Variants in TRPM6 observed in about 807,000 individuals in gnomAD.
TRPM6 encodes the protein channel kinase 2.
TRPM6 carries 111 observed loss-of-function variants against 247.6 expected under a neutral mutation model. That is an observed-to-expected ratio of 0.45 (90% CI 0.38 to 0.52). TRPM6 has a LOEUF of 0.52. Among genes scored for constraint, TRPM6 ranks in the 20% least tolerant of loss-of-function variants. The pLI, the probability that TRPM6 is intolerant of heterozygous loss-of-function variation, is 0.00. For synonymous variants in TRPM6, 892 were observed against 853.8 expected, an observed-to-expected ratio of 1.04 and a Z score of -0.78; for missense variants, 2,126 against 2,421.5, an observed-to-expected ratio of 0.88 and a Z score of 2.56.
At chr9:74,853,010 G>A (rs1299857159) in intron 3 of TRPM6, among the ~76,000 whole-genome samples, 2 of 151,364 alleles carry the variant, frequency 1.3e-5, no homozygotes, top group Admixed American at 1.3e-4. Context: ...AGTGAGGAGC[G>A]TCTCTGCCCG....
At chr9:74,886,968 A>G (rs1488268026) in intron 1 of TRPM6, among the ~76,000 whole-genome samples, 3 of 152,190 alleles carry the variant, frequency 2.0e-5, no homozygotes, top group Non-Finnish European at 4.4e-5. Flanking sequence ...AATGTGCTCA[A>G]TTATACTTAT....
At chr9:74,799,504 C>T (rs971029567) in intron 17 of TRPM6, among the ~76,000 whole-genome samples, 1 of 151,150 alleles carries the variant, frequency 6.6e-6, no homozygotes, top group Non-Finnish European at 1.5e-5. Context: ...GGAGGGCAGC[C>T]TTATGAAACA....
intron 9 of TRPM6, among the ~76,000 whole-genome samples, chr9:74,817,500 T>C (rs906397426): frequency 1.3e-5 from 2 of 152,144 alleles, no homozygotes; most frequent in Admixed American, 1.3e-4. Flanking sequence ...GACTTGCTTT[T>C]TTACGAGAAA....
chr9:74,724,963 A>G (rs1825267210), intron 38 of TRPM6, among the ~76,000 whole-genome samples: 1 of 152,072 alleles, frequency 6.6e-6, no homozygotes, highest in Non-Finnish European at 1.5e-5. Context: ...GGTGCTGTTT[A>G]TGGGAGCAGG....
At chr9:74,730,849 C>A (rs976202733) in intron 37 of TRPM6, among the ~76,000 whole-genome samples, 86 of 152,248 alleles carry the variant, frequency 5.6e-4, no homozygotes, top group African/African-American at 2.0e-3. Flanking sequence ...CAACTGCATC[C>A]AAAATTGGGT....
chr9:74,872,392 C>T (rs1831053706), intron 1 of TRPM6, among the ~76,000 whole-genome samples: 3 of 152,176 alleles, frequency 2.0e-5, no homozygotes, highest in African/African-American at 7.2e-5. Context: ...CCACTGCAGC[C>T]TCCCAAGTAG....
intron 2 of TRPM6, chr9:74,857,569 C>T (rs529787223): frequency 1.4e-4 from 22 of 152,094 alleles, no homozygotes; most frequent in African/African-American, 5.3e-4. Context: ...CTTTTTTGAC[C>T]TTTGTTTTAC....
At chr9:74,746,238 CAA>C (rs367761076) in intron 31 of TRPM6, among the ~76,000 whole-genome samples, 5 of 121,056 alleles carry the variant, frequency 4.1e-5, no homozygotes, top group African/African-American at 1.3e-4. Context: ...GACTCCATCT[CAA>C]AAAAAAAAAA....
intron 38 of TRPM6, among the ~76,000 whole-genome samples, chr9:74,725,486 C>G (rs1434623713): frequency 2.6e-5 from 4 of 152,104 alleles, no homozygotes; most frequent in Non-Finnish European, 5.9e-5. Flanking sequence ...GCTGTGTCCC[C>G]ACCCCAAATT....
At chr9:74,744,734 T>G (rs1825976337) in intron 31 of TRPM6, among the ~76,000 whole-genome samples, 1 of 152,216 alleles carries the variant, frequency 6.6e-6, no homozygotes, top group South Asian at 2.1e-4. Flanking sequence ...CAGTCCTAAA[T>G]TACAAGGCTC....
chr9:74,732,298 G>A (rs1825545955), intron 37 of TRPM6, among the ~76,000 whole-genome samples: 1 of 152,180 alleles, frequency 6.6e-6, no homozygotes, highest in African/African-American at 2.4e-5. Context: ...GATGGAAGAT[G>A]CTGCCCATGA....
Position 74,762,395 on chromosome 9 carries a change from T to C in TRPM6, c.4276A>G (p.Thr1426Ala). 6.2e-7 allele frequency: 1 copy of C among 1,614,142 alleles called. No homozygotes were observed. Among genetic ancestry groups the C allele is most frequent in the African/African-American group, 1.3e-5 (1 of 75,038 alleles). ...ATGGGTTCAGGTGTGCAACTCAAAG[T>C]GGGTAGCACTTGCTCTGCCTTGTCT... ...GQDKAEQVLP[T>A]LSCTPEPMTM... Residue 1426 changes from threonine to alanine, a missense_variant, in exon 26 of 39, where the codon ACT becomes GCT. Around this residue, in one of 3 missense-constraint regions of TRPM6, gnomAD observed 717 missense variants for 715.9 expected, o/e 1.00. Transcript: ENST00000360774.
intron 31 of TRPM6, among the ~76,000 whole-genome samples, chr9:74,745,446 AGT>A (rs759532835): frequency 1.4e-3 from 205 of 150,538 alleles, no homozygotes; most frequent in South Asian, 2.1e-3. Flanking sequence ...CATATAGTAT[AGT>A]GTGTGTGTGT....
chr9:74,853,188 T>C (rs1312549456), intron 3 of TRPM6, among the ~76,000 whole-genome samples: 2 of 150,138 alleles, frequency 1.3e-5, no homozygotes, highest in East Asian at 4.0e-4. Flanking sequence ...CCGCCCCGTC[T>C]GAGAAGTGAG....
intron 1 of TRPM6, among the ~76,000 whole-genome samples, chr9:74,886,702 A>AC (rs895546389): frequency 1.3e-5 from 2 of 152,136 alleles, no homozygotes; most frequent in African/African-American, 4.8e-5. Context: ...AACTCTTACA[A>AC]CCTGCTAAAT....
At chr9:74,779,901 C>T (rs1266578577) in intron 23 of TRPM6, among the ~76,000 whole-genome samples, 1 of 152,190 alleles carries the variant, frequency 6.6e-6, no homozygotes, top group Non-Finnish European at 1.5e-5. Flanking sequence ...CGGCTGGGCG[C>T]AGTGGCTCAC....
rs78292952 is a variant in TRPM6, at chr9:74,769,879, A to G, written c.3536+1824T>C. 7.9e-4 allele frequency among the ~76,000 whole-genome samples: 121 copies of G among 152,286 alleles called. 1 individual carries two copies. The East Asian group carries it at 0.02, about 25-fold the overall frequency. ...TAGTAAGTGCCTAAAGCAGGACTTC[A>G]TCCCAGCTCCGTAAGCTCCTAATAC... is the stretch of plus-strand genomic sequence containing the variant. On this transcript the variant is annotated intron_variant, in intron 25 of 38. Coordinates refer to ENST00000360774, the MANE Select transcript of TRPM6 (RefSeq NM_017662.5).
chr9:74,867,920 G>A (rs555264222), intron 1 of TRPM6, among the ~76,000 whole-genome samples: 8 of 151,968 alleles, frequency 5.3e-5, no homozygotes, highest in South Asian at 4.2e-4. Context: ...TTGGGAGGCC[G>A]ATGCACAGGG....
intron 37 of TRPM6, among the ~76,000 whole-genome samples, chr9:74,730,120 A>C (rs1337342389): frequency 1.3e-5 from 2 of 152,212 alleles, no homozygotes; most frequent in Non-Finnish European, 2.9e-5. Context: ...TTTTAAAAAA[A>C]ATACAAGTAG....
Sources: allele counts gnomAD v4.1 joint callset (sites outside exome capture counted in the v4.1 genomes callset), GRCh38; gene constraint gnomAD v4.1.1; regional missense constraint gnomAD v4.1.1; transcripts MANE v1.5; gene names NCBI Gene and HGNC (gene_info 2026-07-23, HGNC 2026-07-21).